The following DENND3 variants were observed in gnomAD, a reference collection of about 807,000 sequenced individuals.
DENND3 encodes the protein DENN domain-containing protein 3.
DENND3 carries 88 observed loss-of-function variants against 135.1 expected under a neutral mutation model. That is an observed-to-expected ratio of 0.65 (90% confidence interval 0.55 to 0.78). The LOEUF (loss-of-function observed/expected upper bound fraction) is 0.78. Ranked by LOEUF, DENND3 falls within the 30% of genes least tolerant of loss-of-function variation. The pLI, the probability that DENND3 is intolerant of heterozygous loss-of-function variation, is 0.00. For synonymous variants in DENND3, 693 were observed against 712.3 expected (o/e 0.97, Z 0.43); for missense variants, 1,392 against 1,688.4 (o/e 0.82, Z 3.08).
intron 7 of DENND3, among the ~76,000 whole-genome samples, chr8:141,152,564 T>C (rs1818921676): frequency 6.6e-6 from 1 of 152,220 alleles, no homozygotes; most frequent in South Asian, 2.1e-4. Flanking sequence ...CAGCCCTTTA[T>C]TTTTATTGCT....
At position 141,130,854 on chromosome 8, in the gene DENND3, T is replaced by C. The variant is rs1259159294; in HGVS notation, c.102+2045T>C. Among the ~76,000 whole-genome samples the C allele has an allele frequency of 6.6e-6, 1 of 152,060 alleles. No individual in the cohort carries two copies. Among genetic ancestry groups the C allele is most frequent in the African/African-American group, 2.4e-5 (1 of 41,396 alleles). On this transcript the variant is annotated intron_variant, in intron 1 of 22. Coordinates refer to ENST00000519811, the MANE Select transcript of DENND3 (RefSeq NM_001352890.3). The surrounding 1 kb of genome is among the most constrained non-coding windows in gnomAD (Gnocchi z 4.2). ...GGCGTGTGCCACCATGCCCAGCTAA[T>C]TTTTGTATTTTTAGTAGAGACAGGG...
At chr8:141,133,185 G>T (rs2154612654) in intron 1 of DENND3, among the ~76,000 whole-genome samples, 1 of 152,294 alleles carries the variant, frequency 6.6e-6, no homozygotes, top group East Asian at 1.9e-4. Flanking sequence ...TGGGGCCTGA[G>T]CCCATGGAAG....
rs1239472039 is a variant in DENND3, at chr8:141,175,105, G to T, written c.2276-95G>T. ...CTGGCGCCACCTGCTGCCGGGTTCC[G>T]GTAGTGTGCGGTTTCTTCAGGTCAT... is the stretch of plus-strand genomic sequence containing the variant. On this transcript the variant is annotated intron_variant, in intron 13 of 22. Transcript: ENST00000519811. This position sits in a 1 kb window ranked among gnomAD's most constrained non-coding sequence, Gnocchi z 5.4. 6 of 1,440,988 alleles carry T rather than the reference G, an allele frequency of 4.2e-6. No individual in the cohort carries two copies. In the South Asian group the frequency reaches 6.9e-5, roughly 17 times the overall value. 89.3% of individuals were successfully genotyped at this position (1,440,988 alleles called of 1,614,324 possible). A position where few individuals can be genotyped will look rare whatever the true frequency, so the allele number is the denominator to read the frequency against.
rs1356909857 is a variant in DENND3, at chr8:141,182,467, A to G, written c.2944+1613A>G. On this transcript the variant is annotated intron_variant, in intron 17 of 22. Coordinates refer to ENST00000519811, the MANE Select transcript of DENND3 (RefSeq NM_001352890.3). This position sits in a 1 kb window ranked among gnomAD's most constrained non-coding sequence, Gnocchi z 5.9. ...TGACTCCACAGACCAAGATACTTTG[A>G]CCGTGGCATTTGAATACATGGTATT... is the stretch of plus-strand genomic sequence containing the variant. 1 of 985,284 alleles carries G rather than the reference A, an allele frequency of 1.0e-6. No homozygotes were observed. Among genetic ancestry groups the G allele is most frequent in the Admixed American group, 6.1e-5 (1 of 16,262 alleles). The allele number at this position is 985,284 out of a possible 1,614,324, so 61.0% of individuals were successfully genotyped here.
Position 141,130,968 on chromosome 8 carries a change from A to G in DENND3, c.102+2159A>G, listed in dbSNP as rs747814404. Among the ~76,000 whole-genome samples the G allele has an allele frequency of 2.0e-5, 3 of 152,140 alleles. No individual in the cohort carries two copies. Among genetic ancestry groups the G allele is most frequent in the Non-Finnish European group, 4.4e-5 (3 of 68,024 alleles). On this transcript the variant is annotated intron_variant, in intron 1 of 22. Transcript: ENST00000519811. This position sits in a 1 kb window ranked among gnomAD's most constrained non-coding sequence, Gnocchi z 4.2. Reference sequence around the variant, plus strand: ...CCAAAGTGTTGGGATTATAGGTGTGAGCCACCGCACCTGGCCGCTTTTAAA... The same window carrying G: ...CCAAAGTGTTGGGATTATAGGTGTGGGCCACCGCACCTGGCCGCTTTTAAA...
In DENND3 at chr8:141,138,284, C is replaced by A; in HGVS notation, c.501+147C>A. The A allele has an allele frequency of 2.3e-6, 2 of 866,706 alleles. No homozygotes were observed. The highest frequency in any genetic ancestry group is 1.7e-5 in the African/African-American group (1 of 59,312). The allele number at this position is 866,706 out of a possible 1,614,324, so 53.7% of individuals were successfully genotyped here. ...TACATTCACAGCATTGTGCAACCAC[C>A]ACCAATGTCTAGGTCCAAAACGCTT... On this transcript the variant is annotated intron_variant, in intron 3 of 22. Transcript: ENST00000519811. The surrounding 1 kb of genome is among the most constrained non-coding windows in gnomAD (Gnocchi z 4.8).
In DENND3 at chr8:141,166,222, C is replaced by T. The variant is rs201877406; in HGVS notation, c.1586C>T (p.Pro529Leu). The T allele has an allele frequency of 2.4e-4, 395 of 1,614,182 alleles. 1 individual carries two copies. The East Asian group carries it at 6.0e-3, about 25-fold the overall frequency. The change falls in exon 12 of 23, where the codon CCG (proline) becomes CTG (leucine). Residue 529 changes from proline (P) to leucine (L), a missense_variant. Coordinates refer to ENST00000519811, the MANE Select transcript of DENND3 (RefSeq NM_001352890.3). The surrounding 1 kb of genome is among the most constrained non-coding windows in gnomAD (Gnocchi z 4.3). ...INGMLLSPRR[P>L]TVEKRASRKS... ...GGAATGCTTCTAAGTCCAAGGAGACCGACCGTTGAGAAAAGAGCCTCCCGG... is the reference window on the plus strand; with the variant it reads ...GGAATGCTTCTAAGTCCAAGGAGACTGACCGTTGAGAAAAGAGCCTCCCGG...
intron 18 of DENND3, among the ~76,000 whole-genome samples, chr8:141,186,974 T>G (rs1463814851): frequency 6.6e-6 from 1 of 152,224 alleles, no homozygotes; most frequent in Non-Finnish European, 1.5e-5. Context: ...CCCCGCACCG[T>G]GGCCTGCGCG....
At chr8:141,157,768 T>C in intron 8 of DENND3, 1 of 985,710 alleles carries the variant, frequency 1.0e-6, no homozygotes. Context: ...TCTTTTTTTT[T>C]TTTTTTTTGG....
intron 1 of DENND3, among the ~76,000 whole-genome samples, chr8:141,136,095 C>A (rs1216773485): frequency 6.8e-6 from 1 of 147,590 alleles, no homozygotes; most frequent in Non-Finnish European, 1.5e-5. Flanking sequence ...GGGCTGAGTA[C>A]CGGACCCACA....
rs566550649 is a variant in DENND3, at chr8:141,193,054, G to A, written c.3636+391G>A. 7.3e-4 allele frequency: 326 copies of A among 448,156 alleles called. 1 individual carries two copies. The highest frequency in any genetic ancestry group is 6.4e-3 in the African/African-American group (310 of 48,642). The allele number at this position is 448,156 out of a possible 1,614,324, so 27.8% of individuals were successfully genotyped here. The stretch of plus-strand genomic sequence containing the variant: ...CTCATGTGGCCGCCGTCCTTGGCGT[G>A]CCCTGGCTGTGGACGTGGCACTCTA... On this transcript the variant is annotated intron_variant, in intron 22 of 22. Transcript: ENST00000519811.
intron 19 of DENND3, 78 bp downstream of exon 19, chr8:141,189,224 G>C: frequency 6.3e-7 from 1 of 1,595,240 alleles, no homozygotes; most frequent in Non-Finnish European, 8.6e-7. Context: ...GGGTTCCCAA[G>C]TCTTGTGCCC....
chr8:141,168,503 G>C lies in DENND3; in HGVS notation c.2253G>C (p.Arg751=). 1 of 1,609,476 alleles carries C rather than the reference G, an allele frequency of 6.2e-7. No homozygotes were observed. Among genetic ancestry groups the C allele is most frequent in the Non-Finnish European group, 8.5e-7 (1 of 1,176,874 alleles). ...GIVKDASIIH[R]LFEALTVGQE... is the part of the protein sequence containing the mutation. ...TGAAGGACGCCAGCATCATACACCG[G>C]CTGTTCGAGGCCTTGACTGTAGGTA... Residue 751 remains arginine (R), a synonymous_variant, in exon 13 of 23, where the codon CGG becomes CGC. Transcript: ENST00000519811. This position sits in a 1 kb window ranked among gnomAD's most constrained non-coding sequence, Gnocchi z 6.2.
chr8:141,151,605 G>T lies in DENND3; in HGVS notation c.856-14G>T, dbSNP rs781307331. 1 of 1,612,632 alleles carries T rather than the reference G, an allele frequency of 6.2e-7. No homozygotes were observed. The highest frequency in any genetic ancestry group is 8.5e-7 in the Non-Finnish European group (1 of 1,178,762). On this transcript the variant is annotated splice_polypyrimidine_tract_variant and intron_variant, in intron 6 of 22. Coordinates refer to ENST00000519811, the MANE Select transcript of DENND3 (RefSeq NM_001352890.3). ...TTAAAAGCATGTACTCAGTGCGGCG[G>T]GTTCTCCCCTCAGATCCTGACATGC...
Position 141,182,421 on chromosome 8 carries a change from C to A in DENND3, c.2944+1567C>A, listed in dbSNP as rs1471959308. On this transcript the variant is annotated intron_variant, in intron 17 of 22. Transcript: ENST00000519811. The surrounding 1 kb of genome is among the most constrained non-coding windows in gnomAD (Gnocchi z 5.9). ...CTACCTGATGTGTCTAAGCCAGGCT[C>A]TGTGCTGACTTCGCCAGAGATGACT... The A allele has an allele frequency of 1.0e-5, 10 of 985,328 alleles. No homozygotes were observed. The highest frequency in any genetic ancestry group is 1.7e-5 in the African/African-American group (1 of 57,242). 61.0% of individuals were successfully genotyped at this position (985,328 alleles called of 1,614,324 possible).
chr8:141,174,910 T>C lies in DENND3; in HGVS notation c.2276-290T>C, dbSNP rs1388444724. Reference sequence around the variant, plus strand: ...GGACTTTCCTACCCAAAGGTAAGAGTTGCTGTGACTACCTGAAGCAGGTCC... The same window carrying C: ...GGACTTTCCTACCCAAAGGTAAGAGCTGCTGTGACTACCTGAAGCAGGTCC... On this transcript the variant is annotated intron_variant, in intron 13 of 22. Coordinates refer to ENST00000519811, the MANE Select transcript of DENND3 (RefSeq NM_001352890.3). The surrounding 1 kb of genome is among the most constrained non-coding windows in gnomAD (Gnocchi z 4.6). Among the ~76,000 whole-genome samples, 1 of 152,068 alleles carries C rather than the reference T, an allele frequency of 6.6e-6. No individual in the cohort carries two copies. Among genetic ancestry groups the C allele is most frequent in the Non-Finnish European group, 1.5e-5 (1 of 68,004 alleles).
Position 141,178,131 on chromosome 8 carries a change from T to C in DENND3, c.2771T>C (p.Leu924Pro). The C allele has an allele frequency of 6.2e-7, 1 of 1,613,340 alleles. No homozygotes were observed. The highest frequency in any genetic ancestry group is 8.5e-7 in the Non-Finnish European group (1 of 1,179,244). Residue 924 changes from leucine (L) to proline (P), a missense_variant, in exon 16 of 23, where the codon CTG (leucine) becomes CCG (proline). Leu to Pro is a moderately conservative substitution (Grantham distance 98). Coordinates refer to ENST00000519811, the MANE Select transcript of DENND3 (RefSeq NM_001352890.3). ...VLLMDAVVGT[L>P]QSPGAIYAAS... ...CTGATGGACGCCGTCGTGGGCACAC[T>C]GCAGTCACCAGGCGCCATCTACGCT...
chr8:141,135,887 T>C (rs1006512918), intron 1 of DENND3, among the ~76,000 whole-genome samples: 1 of 152,270 alleles, frequency 6.6e-6, no homozygotes, highest in Non-Finnish European at 1.5e-5. Flanking sequence ...ATGTCTCATC[T>C]GTACCCACCA....
chr8:141,164,063 C>T (rs1427136656), intron 10 of DENND3, among the ~76,000 whole-genome samples: 1 of 152,212 alleles, frequency 6.6e-6, no homozygotes, highest in Non-Finnish European at 1.5e-5. Flanking sequence ...CATCCCTCCC[C>T]AGGTCCTGGC....
Sources: allele counts gnomAD v4.1 joint callset (sites outside exome capture counted in the v4.1 genomes callset), GRCh38; gene constraint gnomAD v4.1.1; non-coding constraint Gnocchi (gnomAD v3.1); transcripts MANE v1.5; gene names NCBI Gene and HGNC (gene_info 2026-07-23, HGNC 2026-07-21).